The following CTNNBL1 variants were observed in gnomAD, a reference collection of about 807,000 sequenced individuals.
CTNNBL1 encodes the protein beta-catenin-like protein 1.
CTNNBL1 carries 31 observed loss-of-function variants against 72.7 expected under a neutral mutation model. The ratio of observed to expected loss-of-function variants is 0.43; its 90% CI spans 0.32 to 0.58. The LOEUF is 0.58. CTNNBL1 is among the 20% of genes least tolerant of loss of function. CTNNBL1 has a pLI of 0.08. For synonymous variants in CTNNBL1, 240 were observed against 267.3 expected (o/e 0.90, Z 1.00); for missense variants, 534 against 725.1 (o/e 0.74, Z 3.03).
At chr20:37,764,604 C>T (rs1284617286) in intron 5 of CTNNBL1, among the ~76,000 whole-genome samples, 1 of 152,200 alleles carries the variant, frequency 6.6e-6, no homozygotes, top group Non-Finnish European at 1.5e-5. Flanking sequence ...GCTTTCTGTG[C>T]ATTCAATGTC....
At position 37,842,347 on chromosome 20, in the gene CTNNBL1, A is replaced by G; in HGVS notation, c.1320A>G (p.Arg440=). The G allele has an allele frequency of 6.2e-7, 1 of 1,612,588 alleles. No homozygotes were observed. Among genetic ancestry groups the G allele is most frequent in the Non-Finnish European group, 8.5e-7 (1 of 1,178,564 alleles). The change falls in exon 13 of 16, where the codon AGA becomes AGG. Residue 440 remains arginine, a synonymous_variant. Transcript: ENST00000361383. ...FTENDSEKVD[R]LMELHFKYLG... is the part of the protein sequence containing the mutation. The stretch of plus-strand genomic sequence containing the variant: ...TGAAATCTCTCTTTCAGGTTGACAG[A>G]CTAATGGAGTTGCATTTTAAATATC...
intron 1 of CTNNBL1, among the ~76,000 whole-genome samples, chr20:37,699,638 A>C (rs2072823354): frequency 6.6e-6 from 1 of 152,256 alleles, no homozygotes; most frequent in Non-Finnish European, 1.5e-5. Context: ...AAGTAGACTC[A>C]GTACGACCAC....
At chr20:37,823,038 T>A (rs2072123549) in intron 11 of CTNNBL1, among the ~76,000 whole-genome samples, 1 of 152,226 alleles carries the variant, frequency 6.6e-6, no homozygotes, top group African/African-American at 2.4e-5. Flanking sequence ...TTTGCCAATA[T>A]ATATTGTTGA....
chr20:37,733,547 C>T (rs2073147566), intron 2 of CTNNBL1, among the ~76,000 whole-genome samples: 1 of 152,096 alleles, frequency 6.6e-6, no homozygotes, highest in South Asian at 2.1e-4. Flanking sequence ...TTTGCTGTTC[C>T]TCAAGATGCG....
chr20:37,862,980 A>C (rs1030973025), intron 15 of CTNNBL1, among the ~76,000 whole-genome samples: 5 of 152,224 alleles, frequency 3.3e-5, no homozygotes, highest in African/African-American at 9.6e-5. Flanking sequence ...CATACATTAG[A>C]ATATAAGCTC....
chr20:37,866,705 C>T (rs2072539756), intron 15 of CTNNBL1, among the ~76,000 whole-genome samples: 1 of 152,162 alleles, frequency 6.6e-6, no homozygotes, highest in African/African-American at 2.4e-5. Flanking sequence ...TCTTGGTTTC[C>T]TCCTCTGTAA....
At chr20:37,806,480 G>T (rs562277520) in intron 11 of CTNNBL1, among the ~76,000 whole-genome samples, 27 of 152,276 alleles carry the variant, frequency 1.8e-4, no homozygotes, top group African/African-American at 5.8e-4. Context: ...TTCAAAAAAC[G>T]AAAGGGCAGG....
chr20:37,860,378 G>A (rs769860862), intron 15 of CTNNBL1, 34 bp downstream of exon 15: 2 of 1,512,766 alleles, frequency 1.3e-6, no homozygotes, highest in Non-Finnish European at 1.8e-6. Flanking sequence ...TGGGGCTCCA[G>A]AGGATTAGAT....
At chr20:37,802,831 A>T in intron 10 of CTNNBL1, 36 bp from the exon 11 acceptor site, 1 of 1,545,614 alleles carries the variant, frequency 6.5e-7, no homozygotes, top group Non-Finnish European at 8.8e-7. Context: ...TAATTTCCCC[A>T]TGAAATACCT....
chr20:37,701,803 T>G (rs1268197107), intron 1 of CTNNBL1, among the ~76,000 whole-genome samples: 2 of 151,986 alleles, frequency 1.3e-5, no homozygotes, highest in Non-Finnish European at 2.9e-5. Flanking sequence ...TGTGGCGTAA[T>G]ACATCGTACG....
intron 10 of CTNNBL1, 119 bp from the exon 11 acceptor site, chr20:37,802,748 C>T (rs2073832847): frequency 1.3e-6 from 1 of 765,788 alleles, no homozygotes; most frequent in Non-Finnish European, 2.1e-6. Context: ...TAATTGTTAA[C>T]AAGTATGTAA....
intron 11 of CTNNBL1, among the ~76,000 whole-genome samples, chr20:37,805,195 C>A (rs1461872715): frequency 6.6e-6 from 1 of 152,210 alleles, no homozygotes; most frequent in Non-Finnish European, 1.5e-5. Flanking sequence ...CGAGTGCCAG[C>A]CCTTCTCACG....
At chr20:37,781,754 A>G (rs1429082143) in intron 10 of CTNNBL1, among the ~76,000 whole-genome samples, 2 of 152,162 alleles carry the variant, frequency 1.3e-5, no homozygotes, top group Non-Finnish European at 2.9e-5. Flanking sequence ...AGCCTATTCA[A>G]GACTATGAAG....
chr20:37,794,647 G>A (rs1299877737), intron 10 of CTNNBL1, among the ~76,000 whole-genome samples: 4 of 151,508 alleles, frequency 2.6e-5, no homozygotes, highest in Non-Finnish European at 5.9e-5. Flanking sequence ...TACCCACCAC[G>A]ACACCTGGCT....
At chr20:37,709,398 T>G (rs2072917968) in intron 1 of CTNNBL1, among the ~76,000 whole-genome samples, 2 of 152,234 alleles carry the variant, frequency 1.3e-5, no homozygotes, top group African/African-American at 4.8e-5. Context: ...TTAAATTTTC[T>G]TTTGGGATCC....
chr20:37,744,726 C>T (rs1022874746), intron 3 of CTNNBL1: 2 of 151,990 alleles, frequency 1.3e-5, no homozygotes, highest in Non-Finnish European at 2.9e-5. Flanking sequence ...ATTGGCTTCT[C>T]CTATTGTAGT....
At chr20:37,731,238 C>CT (rs1303825925) in intron 1 of CTNNBL1, among the ~76,000 whole-genome samples, 153 of 144,444 alleles carry the variant, frequency 1.1e-3, no homozygotes, top group Non-Finnish European at 1.1e-3. Context: ...TTAACTGAAA[C>CT]TTTTTTTTTT....
rs201017515 is a variant in CTNNBL1 at position 37,842,392 on chromosome 20, G to A, written c.1365G>A (p.Ala455=). 1.6e-5 allele frequency: 26 copies of A among 1,613,630 alleles called. No individual in the cohort carries two copies. The highest frequency in any genetic ancestry group is 2.0e-5 in the Non-Finnish European group (24 of 1,179,674). Residue 455 remains alanine (A), a synonymous_variant, in exon 13 of 16, where the codon GCG becomes GCA. Transcript: ENST00000361383. ...AATATCTGGGTGCAATGCAGGTGGC[G>A]GACAAGAAGATTGAAGGGGAAAAAC... is the stretch of plus-strand genomic sequence containing the variant. ...HFKYLGAMQV[A]DKKIEGEKHD...
chr20:37,756,307 C>G (rs1289103979), intron 4 of CTNNBL1: 1 of 152,014 alleles, frequency 6.6e-6, no homozygotes, highest in African/African-American at 2.4e-5. Flanking sequence ...AAACTGAGGC[C>G]CAGAATGAAG....
Sources: allele counts gnomAD v4.1 joint callset (sites outside exome capture counted in the v4.1 genomes callset), GRCh38; gene constraint gnomAD v4.1.1; transcripts MANE v1.5; gene names NCBI Gene and HGNC (gene_info 2026-07-23, HGNC 2026-07-21).